TXNDC11: variants seen among roughly 807,000 people sequenced by gnomAD.
TXNDC11 encodes the protein thioredoxin domain containing 11.
In TXNDC11, 68 loss-of-function variants were observed where a neutral mutation model predicts 78.0. That is an observed-to-expected ratio of 0.87 (90% CI 0.72 to 1.07). The LOEUF (loss-of-function observed/expected upper bound fraction) is 1.07, where lower values mean the gene tolerates loss of function less well. Ranked by LOEUF, TXNDC11 falls within the 50% of genes least tolerant of loss-of-function variation. The pLI is 0.00. For synonymous variants in TXNDC11, 571 were observed against 495.2 expected (o/e 1.15, Z -2.03); for missense variants, 1,389 against 1,221.8 (o/e 1.14, Z -2.04).
chr16:11,742,693 C>A lies in TXNDC11; in HGVS notation c.38G>T (p.Ser13Ile). 6.8e-7 allele frequency: 1 copy of A among 1,478,928 alleles called. No homozygotes were observed. Among genetic ancestry groups the A allele is most frequent in the East Asian group, 2.8e-5 (1 of 35,410 alleles). The allele number at this position is 1,478,928 out of a possible 1,614,324, so 91.6% of individuals were successfully genotyped here. ...TCCCTCGTCCTCGGCGTCCTCGCTG[C>A]TGCTGCTGCCGCCGCCGCGGCCTCC... ...ECGGRGGGSS[S>I]SEDAEDEGGG... The change falls in exon 1 of 12, where the codon AGC becomes ATC. Residue 13 changes from serine to isoleucine, a missense_variant. Coordinates refer to ENST00000283033, the MANE Select transcript of TXNDC11 (RefSeq NM_015914.7).
At chr16:11,709,003 A>G (rs1054597407) in intron 5 of TXNDC11, among the ~76,000 whole-genome samples, 1 of 152,216 alleles carries the variant, frequency 6.6e-6, no homozygotes, top group Non-Finnish European at 1.5e-5. Flanking sequence ...TATATTTCCA[A>G]TAAAGTGTCC....
chr16:11,715,239 A>G (rs1337983304), intron 5 of TXNDC11, among the ~76,000 whole-genome samples: 1 of 152,178 alleles, frequency 6.6e-6, no homozygotes, highest in African/African-American at 2.4e-5. Context: ...AACAAAACAA[A>G]ACAAAAAAAT....
In TXNDC11 at chr16:11,734,081, TGCA is replaced by T; in HGVS notation, c.472-5_472-3del. 6.3e-7 allele frequency: 1 copy of T among 1,585,732 alleles called. No individual in the cohort carries two copies. Among genetic ancestry groups the T allele is most frequent in the Non-Finnish European group, 8.5e-7 (1 of 1,170,930 alleles). ...ACAGTTAATTGCCACAAACAACACC[TGCA>T]GAGCCAAAAAAGGTTTTCAAATGAC... On this transcript the variant is annotated splice_region_variant and splice_polypyrimidine_tract_variant and intron_variant, in intron 2 of 11. Transcript: ENST00000283033.
At chr16:11,726,009 C>T (rs977670274) in intron 4 of TXNDC11, among the ~76,000 whole-genome samples, 1 of 152,084 alleles carries the variant, frequency 6.6e-6, no homozygotes. Flanking sequence ...CCAAGTAGAG[C>T]TGGGACTACA....
chr16:11,720,931 G>A (rs1183738948), intron 5 of TXNDC11, among the ~76,000 whole-genome samples: 1 of 151,380 alleles, frequency 6.6e-6, no homozygotes, highest in Non-Finnish European at 1.5e-5. Flanking sequence ...TTGTAGAGAC[G>A]GAGTTTTGCC....
chr16:11,716,153 G>C (rs2051521109), intron 5 of TXNDC11, among the ~76,000 whole-genome samples: 1 of 152,194 alleles, frequency 6.6e-6, no homozygotes, highest in Non-Finnish European at 1.5e-5. Context: ...AAAGGGTAAG[G>C]ACCAGGCATT....
intron 5 of TXNDC11, 129 bp from the exon 6 acceptor site, chr16:11,700,693 G>A (rs1440632220): frequency 1.0e-5 from 6 of 571,518 alleles, no homozygotes; most frequent in African/African-American, 3.8e-5. Flanking sequence ...GCCTAGAGAG[G>A]GAAGGAAGAG....
intron 7 of TXNDC11, among the ~76,000 whole-genome samples, chr16:11,693,003 C>T (rs1406078745): frequency 2.0e-5 from 3 of 152,180 alleles, no homozygotes; most frequent in Non-Finnish European, 2.9e-5. Flanking sequence ...GTTTTTGCAC[C>T]TCCAGTGTCC....
chr16:11,703,123 T>C (rs2051080064), intron 5 of TXNDC11, among the ~76,000 whole-genome samples: 1 of 152,124 alleles, frequency 6.6e-6, no homozygotes, highest in South Asian at 2.1e-4. Flanking sequence ...CCAAGCGAGA[T>C]GTGGCAAACC....
In TXNDC11 at chr16:11,679,631, A is replaced by G; in HGVS notation, c.2441T>C (p.Ile814Thr). Reference sequence around the variant, plus strand: ...CACTTGTGCTCGCTGGAGGCTGCTTATTTCTGCTCTCAGTTTCTGGATCTC... The same window carrying G: ...CACTTGTGCTCGCTGGAGGCTGCTTGTTTCTGCTCTCAGTTTCTGGATCTC... ...EREIQKLRAE[I>T]SSLQRAQVQV... The change falls in exon 12 of 12, where the codon ATA (isoleucine) becomes ACA (threonine). Residue 814 changes from isoleucine to threonine, a missense_variant. Coordinates refer to ENST00000283033, the MANE Select transcript of TXNDC11 (RefSeq NM_015914.7). This position sits in a 1 kb window ranked among gnomAD's most constrained non-coding sequence, Gnocchi z 4.6. 1 of 1,614,040 alleles carries G rather than the reference A, an allele frequency of 6.2e-7. No individual in the cohort carries two copies. The highest frequency in any genetic ancestry group is 8.5e-7 in the Non-Finnish European group (1 of 1,180,020).
intron 6 of TXNDC11, among the ~76,000 whole-genome samples, chr16:11,699,063 C>T (rs1177325275): frequency 6.6e-6 from 1 of 152,168 alleles, no homozygotes; most frequent in Non-Finnish European, 1.5e-5. Flanking sequence ...AGGGGTGCTT[C>T]AGAGGGTTCT....
At chr16:11,724,266 G>C (rs2051807277) in intron 4 of TXNDC11, among the ~76,000 whole-genome samples, 2 of 152,216 alleles carry the variant, frequency 1.3e-5, no homozygotes, top group African/African-American at 4.8e-5. Flanking sequence ...CTGGGCAAGA[G>C]AGGGAGACTC....
chr16:11,702,337 CCT>C (rs1432113634), intron 5 of TXNDC11, among the ~76,000 whole-genome samples: 3 of 151,938 alleles, frequency 2.0e-5, no homozygotes, highest in African/African-American at 4.8e-5. Context: ...TTTCCTATCC[CCT>C]TTTTGCTTTA....
At position 11,679,448 on chromosome 16, in the gene TXNDC11, C is replaced by A. The variant is rs146197324; in HGVS notation, c.2624G>T (p.Arg875Leu). ...GGCATCGGCCAGCTCCTGCAGCTTG[C>A]GGGCCAGCTCCTGCAGCTCACGTGT... ...QKTRELQELA[R>L]KLQELADASE... Residue 875 changes from arginine to leucine, a missense_variant, in exon 12 of 12, where the codon CGC becomes CTC. Arg to Leu is a moderately radical substitution (Grantham distance 102). Coordinates refer to ENST00000283033, the MANE Select transcript of TXNDC11 (RefSeq NM_015914.7). This position sits in a 1 kb window ranked among gnomAD's most constrained non-coding sequence, Gnocchi z 4.6. 2.9e-5 allele frequency: 46 copies of A among 1,613,238 alleles called. No individual in the cohort carries two copies. The East Asian group carries it at 3.3e-4, about 12-fold the overall frequency.
At chr16:11,729,171 C>G (rs2051971331) in intron 4 of TXNDC11, among the ~76,000 whole-genome samples, 1 of 152,190 alleles carries the variant, frequency 6.6e-6, no homozygotes, top group South Asian at 2.1e-4. Flanking sequence ...GAAGGAATCT[C>G]AAGGATACCC....
chr16:11,697,812 C>T (rs996557141), intron 7 of TXNDC11, among the ~76,000 whole-genome samples: 3 of 152,202 alleles, frequency 2.0e-5, no homozygotes, highest in Non-Finnish European at 4.4e-5. Flanking sequence ...GGAAGCTCAA[C>T]AGCAGCCACA....
At position 11,742,483 on chromosome 16, in the gene TXNDC11, G is replaced by A. The variant is rs1435292261; in HGVS notation, c.248C>T (p.Thr83Ile). ...AGGGTCCGGGCCGCCTCACCTGCAG[G>A]TGAACTTGAGGGCGAGGAGCAGCGC... ...GCALLLALKF[T>I]CSRAKDVIIP... The change falls in exon 1 of 12, where the codon ACC (threonine) becomes ATC (isoleucine). Residue 83 changes from threonine to isoleucine, a missense_variant. Coordinates refer to ENST00000283033, the MANE Select transcript of TXNDC11 (RefSeq NM_015914.7). 2.8e-6 allele frequency: 4 copies of A among 1,443,260 alleles called. No individual in the cohort carries two copies. Among genetic ancestry groups the A allele is most frequent in the East Asian group, 6.0e-5 (2 of 33,178 alleles). 89.4% of individuals were successfully genotyped at this position (1,443,260 alleles called of 1,614,324 possible). A position where few individuals can be genotyped will look rare whatever the true frequency, so the allele number is the denominator to read the frequency against.
chr16:11,704,805 C>A (rs908066651), intron 5 of TXNDC11, among the ~76,000 whole-genome samples: 2 of 152,140 alleles, frequency 1.3e-5, no homozygotes, highest in Non-Finnish European at 2.9e-5. Flanking sequence ...TATGGGATCC[C>A]AGACTGGATC....
chr16:11,679,349 C>G lies in TXNDC11; in HGVS notation c.2723G>C (p.Arg908Thr). 1 of 1,612,284 alleles carries G rather than the reference C, an allele frequency of 6.2e-7. No individual in the cohort carries two copies. The highest frequency in any genetic ancestry group is 2.2e-5 in the East Asian group (1 of 44,864). Reference protein sequence around the residue: ...VATMERKLEGRDGAESLAAQR... With the variant: ...VATMERKLEGTDGAESLAAQR... Reference sequence around the variant, plus strand: ...GGCCGCCAGGCTTTCAGCTCCATCCCTGCCCTCCAGTTTCCTCTCCATGGT... The same window carrying G: ...GGCCGCCAGGCTTTCAGCTCCATCCGTGCCCTCCAGTTTCCTCTCCATGGT... The change falls in exon 12 of 12, where the codon AGG (arginine) becomes ACG (threonine). Residue 908 changes from arginine (R) to threonine (T), a missense_variant. Arg to Thr is a moderately conservative substitution (Grantham distance 71). Transcript: ENST00000283033. This position sits in a 1 kb window ranked among gnomAD's most constrained non-coding sequence, Gnocchi z 4.6.
Sources: gnomAD v4.1 joint callset for allele counts (sites outside exome capture counted in the v4.1 genomes callset) on GRCh38, gnomAD v4.1.1 for gene constraint, Gnocchi (gnomAD v3.1) non-coding constraint, MANE v1.5 for transcripts, NCBI Gene and HGNC (gene_info 2026-07-23, HGNC 2026-07-21) for gene names.